Variants in MAD1L1 observed in about 807,000 individuals in gnomAD.
MAD1L1 encodes the protein mitotic spindle assembly checkpoint protein MAD1.
In MAD1L1, 95 loss-of-function variants were observed where a neutral mutation model predicts 96.9. The ratio of observed to expected loss-of-function variants is 0.98; its 90% CI spans 0.83 to 1.16. MAD1L1 has a LOEUF of 1.16. Among genes scored for constraint, MAD1L1 ranks in the 50% most tolerant of loss-of-function variants. The pLI, the probability that MAD1L1 is intolerant of heterozygous loss-of-function variation, is 0.00. For missense variants in MAD1L1, 1,007 were observed against 954.4 expected, an observed-to-expected ratio of 1.06 and a Z score of -0.73; for synonymous variants, 473 against 396.6, an observed-to-expected ratio of 1.19 and a Z score of -2.29.
At chr7:1,885,112 G>A (rs1173335476) in intron 18 of MAD1L1, among the ~76,000 whole-genome samples, 3 of 152,224 alleles carry the variant, frequency 2.0e-5, no homozygotes, top group Non-Finnish European at 2.9e-5. Flanking sequence ...AGGAGCAGAG[G>A]CCCTGTGGTA....
intron 13 of MAD1L1, among the ~76,000 whole-genome samples, chr7:2,003,738 C>T (rs1781907624): frequency 6.6e-6 from 1 of 152,174 alleles, no homozygotes; most frequent in African/African-American, 2.4e-5. Flanking sequence ...GCTGCCCTCA[C>T]ACTGCCCTGG....
chr7:1,897,745 G>C (rs1054749780), intron 18 of MAD1L1, among the ~76,000 whole-genome samples: 9 of 152,206 alleles, frequency 5.9e-5, no homozygotes, highest in African/African-American at 1.9e-4. Context: ...TCCTCTTCTA[G>C]TCTGTCTACC....
chr7:2,079,534 G>C (rs979968682), intron 11 of MAD1L1, among the ~76,000 whole-genome samples: 10 of 152,108 alleles, frequency 6.6e-5, no homozygotes, highest in East Asian at 1.9e-4. Context: ...CCAACATCTC[G>C]TCAACTGGAA....
intron 17 of MAD1L1, among the ~76,000 whole-genome samples, chr7:1,929,772 G>GCCCCATCCCCACTGCCACGTCCCCTCA: frequency 1.2e-5 from 1 of 82,756 alleles, no homozygotes; most frequent in South Asian, 3.5e-4. Flanking sequence ...ACGTCCCCTC[G>GCCCCATCCCCACTGCCACGTCCCCTCA]CCCCGTCCCC....
intron 10 of MAD1L1, among the ~76,000 whole-genome samples, chr7:2,170,185 C>A (rs919468140): frequency 6.6e-6 from 1 of 152,140 alleles, no homozygotes; most frequent in Non-Finnish European, 1.5e-5. Flanking sequence ...TGAAGCAGCT[C>A]GTCCTAGCCA....
At chr7:2,157,617 G>A (rs74520980) in intron 10 of MAD1L1, among the ~76,000 whole-genome samples, 6,730 of 152,218 alleles carry the variant, frequency 0.044, 520 homozygotes, top group African/African-American at 0.15. Context: ...TCAGGAACCC[G>A]GCTTGTGCCT....
chr7:2,110,107 T>A (rs1201914112), intron 11 of MAD1L1, among the ~76,000 whole-genome samples: 1 of 152,250 alleles, frequency 6.6e-6, no homozygotes. Flanking sequence ...CACAGCCGAT[T>A]TTCCTAAGGC....
chr7:2,036,245 G>A (rs1462694180), intron 12 of MAD1L1, among the ~76,000 whole-genome samples: 1 of 42,718 alleles, frequency 2.3e-5, no homozygotes, highest in African/African-American at 1.1e-4. Context: ...AGGCATGAGC[G>A]CGGGAGCACT....
chr7:2,020,710 C>T (rs1782750861), intron 12 of MAD1L1, among the ~76,000 whole-genome samples: 1 of 151,776 alleles, frequency 6.6e-6, no homozygotes, highest in Non-Finnish European at 1.5e-5. Context: ...AAAACACACA[C>T]AAGACAGGAG....
At chr7:2,098,643 C>T (rs969552179) in intron 11 of MAD1L1, among the ~76,000 whole-genome samples, 2 of 152,196 alleles carry the variant, frequency 1.3e-5, no homozygotes, top group Non-Finnish European at 2.9e-5. Context: ...CCAGCACAGC[C>T]CTGGTCACGG....
intron 15 of MAD1L1, among the ~76,000 whole-genome samples, chr7:1,979,200 G>T (rs1780781790): frequency 6.6e-6 from 1 of 152,194 alleles, no homozygotes; most frequent in Non-Finnish European, 1.5e-5. Context: ...ACACACCAAA[G>T]CTGTGTGGCC....
chr7:1,980,438 C>G lies in MAD1L1; in HGVS notation c.1505+15G>C. ...ACACACCTGGGCGTGTCCGCCTCCT[C>G]TCTGGGGGACGTACCTGAGCGTGTC... is the stretch of plus-strand genomic sequence containing the variant. On this transcript the variant is annotated intron_variant, in intron 15 of 18. Transcript: ENST00000265854. 6.2e-7 allele frequency: 1 copy of G among 1,607,022 alleles called. No individual in the cohort carries two copies. The highest frequency in any genetic ancestry group is 1.1e-5 in the South Asian group (1 of 89,752).
intron 16 of MAD1L1, among the ~76,000 whole-genome samples, chr7:1,943,439 G>A (rs1779091091): frequency 6.6e-6 from 1 of 152,164 alleles, no homozygotes; most frequent in Non-Finnish European, 1.5e-5. Context: ...TCTGCAGACA[G>A]ACTCCTATGA....
intron 18 of MAD1L1, among the ~76,000 whole-genome samples, chr7:1,858,546 T>G (rs999999942): frequency 4.6e-5 from 7 of 152,194 alleles, no homozygotes; most frequent in African/African-American, 1.7e-4. Context: ...GGGTCAGCCC[T>G]GAAACTCATT....
intron 11 of MAD1L1, among the ~76,000 whole-genome samples, chr7:2,097,386 C>T (rs768807727): frequency 1.3e-5 from 2 of 152,110 alleles, no homozygotes; most frequent in Non-Finnish European, 2.9e-5. Flanking sequence ...ATGCAGGCAG[C>T]GAGGACGTGG....
intron 11 of MAD1L1, among the ~76,000 whole-genome samples, chr7:2,124,756 T>G (rs1231557474): frequency 6.6e-6 from 1 of 151,986 alleles, no homozygotes; most frequent in Non-Finnish European, 1.5e-5. Context: ...TCCACCTGGG[T>G]GCCCGGCGCT....
chr7:1,831,368 G>C (rs1782696193), intron 18 of MAD1L1, among the ~76,000 whole-genome samples: 1 of 152,090 alleles, frequency 6.6e-6, no homozygotes, highest in African/African-American at 2.4e-5. Context: ...TGTGTGTTCT[G>C]ACTGCTCCAC....
chr7:1,990,146 C>T (rs150334236), intron 14 of MAD1L1, among the ~76,000 whole-genome samples: 1,973 of 152,330 alleles, frequency 0.013, 34 homozygotes, highest in African/African-American at 0.045. Flanking sequence ...CACGTGGCAT[C>T]GCTGAGTCTC....
intron 10 of MAD1L1, among the ~76,000 whole-genome samples, chr7:2,198,525 C>T (rs1003230435): frequency 1.3e-5 from 2 of 152,364 alleles, no homozygotes; most frequent in East Asian, 3.9e-4. Context: ...GCAAGGAGCC[C>T]GTGATGGCCG....
Sources: allele counts gnomAD v4.1 joint callset (sites outside exome capture counted in the v4.1 genomes callset), GRCh38; gene constraint gnomAD v4.1.1; transcripts MANE v1.5; gene names NCBI Gene and HGNC (gene_info 2026-07-23, HGNC 2026-07-21).